PNP: variants seen among roughly 807,000 people sequenced by gnomAD.
PNP encodes the protein purine nucleoside phosphorylase, also known as HEL-S-156an.
In PNP, 18 loss-of-function variants were observed where a neutral mutation model predicts 26.8. The observed-to-expected ratio is 0.67, with a 90% CI of 0.46 to 1.00. The LOEUF is 1.00. PNP is among the 50% of genes least tolerant of loss of function. The pLI is 0.00. For missense variants in PNP, 320 were observed against 362.9 expected (o/e 0.88, Z 0.96); for synonymous variants, 116 against 124.8 (o/e 0.93, Z 0.47).
At position 20,476,873 on chromosome 14, in the gene PNP, C is replaced by A. The variant is rs965475737; in HGVS notation, c.*272C>A. The A allele has an allele frequency of 4.4e-6, 2 of 459,008 alleles. No individual in the cohort carries two copies. Among genetic ancestry groups the A allele is most frequent in the Admixed American group, 6.7e-5 (2 of 29,630 alleles). 28.4% of individuals were successfully genotyped at this position (459,008 alleles called of 1,614,324 possible). A position where few individuals can be genotyped will look rare whatever the true frequency, so the allele number is the denominator to read the frequency against. ...GTTCTTTCTTACACAAGAGCTGGAGCCCGTGCCCTACCACACATCTGTGGA... is the reference window on the plus strand; with the variant it reads ...GTTCTTTCTTACACAAGAGCTGGAGACCGTGCCCTACCACACATCTGTGGA... On this transcript the variant is annotated 3_prime_UTR_variant, in exon 6 of 6. Transcript: ENST00000361505.
Position 20,474,241 on chromosome 14 carries a change from A to G in PNP, c.182-231A>G, listed in dbSNP as rs199563326. ...CCTTCTTTGTGTGTTCATGCTGAACATGCTGAACGCACCCCATATCTCTAA... is the reference window on the plus strand; with the variant it reads ...CCTTCTTTGTGTGTTCATGCTGAACGTGCTGAACGCACCCCATATCTCTAA... On this transcript the variant is annotated intron_variant, in intron 2 of 5. Coordinates refer to ENST00000361505, the MANE Select transcript of PNP (RefSeq NM_000270.4). 24 of 503,084 alleles carry G rather than the reference A, an allele frequency of 4.8e-5. No homozygotes were observed. In the East Asian group the frequency reaches 8.6e-4, roughly 18 times the overall value. 31.2% of individuals were successfully genotyped at this position (503,084 alleles called of 1,614,324 possible). A position where few individuals can be genotyped will look rare whatever the true frequency, so the allele number is the denominator to read the frequency against.
chr14:20,469,482 G>C lies in PNP; in HGVS notation c.-43G>C, dbSNP rs1881936925. The stretch of plus-strand genomic sequence containing the variant: ...GATCCGATCGGATCGGAGCGGATCG[G>C]AGCACACCGGAGCAGGCTCATCGAG... On this transcript the variant is annotated 5_prime_UTR_variant, in exon 1 of 6. Transcript: ENST00000361505. 6.5e-7 allele frequency: 1 copy of C among 1,550,016 alleles called. No homozygotes were observed. The highest frequency in any genetic ancestry group is 8.7e-7 in the Non-Finnish European group (1 of 1,147,048).
chr14:20,471,197 A>ATTTTTTTT (rs397960222), intron 1 of PNP, among the ~76,000 whole-genome samples: 271 of 90,646 alleles, frequency 3.0e-3, no homozygotes, highest in African/African-American at 4.5e-3. Context: ...CGCCCGGCTA[A>ATTTTTTTT]TTTTTTTTTT....
chr14:20,470,108 G>C (rs541308030), intron 1 of PNP, among the ~76,000 whole-genome samples: 1 of 152,272 alleles, frequency 6.6e-6, no homozygotes, highest in Non-Finnish European at 1.5e-5. Context: ...TCACCGAACT[G>C]AGCAACAGTC....
intron 2 of PNP, chr14:20,472,718 C>A: frequency 1.8e-6 from 1 of 570,332 alleles, no homozygotes; most frequent in South Asian, 2.1e-5. Context: ...CAGAAGAGGG[C>A]CAGGTGACAG....
rs376654907 is a variant in PNP at position 20,472,299 on chromosome 14, C to A, written c.12-9C>A. 45 of 1,612,166 alleles carry A rather than the reference C, an allele frequency of 2.8e-5. 1 individual carries two copies. Among genetic ancestry groups the A allele is most frequent in the Non-Finnish European group, 3.2e-5 (38 of 1,178,462 alleles). On this transcript the variant is annotated splice_polypyrimidine_tract_variant and intron_variant, in intron 1 of 5. Coordinates refer to ENST00000361505, the MANE Select transcript of PNP (RefSeq NM_000270.4). ...AGCAGAATTCACCTTGATATTTTTTCTCCCCCAGATACACCTATGAAGATT... is the reference window on the plus strand; with the variant it reads ...AGCAGAATTCACCTTGATATTTTTTATCCCCCAGATACACCTATGAAGATT...
In PNP at chr14:20,469,429, G is replaced by A. The variant is rs17881206; in HGVS notation, c.-96G>A. 7,723 of 1,499,862 alleles carry A rather than the reference G, an allele frequency of 5.1e-3. 70 individuals carry two copies. The highest frequency in any genetic ancestry group is 0.019 in the South Asian group (1,617 of 82,988). The allele number at this position is 1,499,862 out of a possible 1,614,324, so 92.9% of individuals were successfully genotyped here. A position where few individuals can be genotyped will look rare whatever the true frequency, so the allele number is the denominator to read the frequency against. ...CCAACTGTGCGAACCAGACCCGGCA[G>A]CCTTGCTCAGTTCAGCATAGCGGAG... On this transcript the variant is annotated 5_prime_UTR_variant, in exon 1 of 6. Coordinates refer to ENST00000361505, the MANE Select transcript of PNP (RefSeq NM_000270.4).
chr14:20,473,185 C>G (rs1461175146), intron 2 of PNP: 1 of 152,272 alleles, frequency 6.6e-6, no homozygotes, highest in Non-Finnish European at 1.5e-5. Flanking sequence ...TTGAGAATTT[C>G]TCAGCTCTTC....
chr14:20,472,273 G>C, intron 1 of PNP, 35 bp from the exon 2 acceptor site: 1 of 1,590,090 alleles, frequency 6.3e-7, no homozygotes, highest in Non-Finnish European at 8.6e-7. Flanking sequence ...CTTGGAATGG[G>C]AGCAGAATTC....
chr14:20,472,042 G>A (rs888536162), intron 1 of PNP, among the ~76,000 whole-genome samples: 2 of 152,234 alleles, frequency 1.3e-5, no homozygotes, highest in Non-Finnish European at 2.9e-5. Context: ...CAACACTGGA[G>A]TTGGGCCTGT....
At position 20,477,025 on chromosome 14, in the gene PNP, TC is replaced by T. The variant is rs1478773545; in HGVS notation, c.*426del. The T allele has an allele frequency of 3.9e-6, 1 of 257,554 alleles. No individual in the cohort carries two copies. Among genetic ancestry groups the T allele is most frequent in the Non-Finnish European group, 7.7e-6 (1 of 129,516 alleles). 16.0% of individuals were successfully genotyped at this position (257,554 alleles called of 1,614,324 possible). On this transcript the variant is annotated 3_prime_UTR_variant, in exon 6 of 6. Transcript: ENST00000361505. The stretch of plus-strand genomic sequence containing the variant: ...TCACCAGAGACCAAACAAGGACTAA[TC>T]CAATACCTCTTGGATTTTATTTAAT...
At chr14:20,470,485 C>T (rs975961762) in intron 1 of PNP, 6 of 152,262 alleles carry the variant, frequency 3.9e-5, no homozygotes, top group Non-Finnish European at 7.3e-5. Context: ...TGTCTGGTTT[C>T]CCGGGCTCTG....
Position 20,471,034 on chromosome 14 carries a change from T to A in PNP, c.12-1274T>A, listed in dbSNP as rs1035969702. On this transcript the variant is annotated intron_variant, in intron 1 of 5. Transcript: ENST00000361505. ...ACCTGGTTTTATTTTATTTTATTTTTATTTATTTATTTTGGAGTCGGAGTC... is the reference window on the plus strand; with the variant it reads ...ACCTGGTTTTATTTTATTTTATTTTAATTTATTTATTTTGGAGTCGGAGTC... Among the ~76,000 whole-genome samples, 9 of 152,010 alleles carry A rather than the reference T, an allele frequency of 5.9e-5. No individual in the cohort carries two copies. In the South Asian group the frequency reaches 1.7e-3, roughly 28 times the overall value.
At chr14:20,469,793 T>C (rs1027334208) in intron 1 of PNP, 7 of 608,698 alleles carry the variant, frequency 1.2e-5, no homozygotes, top group African/African-American at 1.9e-5. Context: ...CGGTCTAAGC[T>C]ACTCCGTAAA....
chr14:20,469,978 G>T (rs1332781279), intron 1 of PNP, among the ~76,000 whole-genome samples: 1 of 152,182 alleles, frequency 6.6e-6, no homozygotes, highest in African/African-American at 2.4e-5. Context: ...CAAATTCGGA[G>T]TTCCTCCTTT....
In PNP at chr14:20,475,183, G is replaced by T; in HGVS notation, c.583G>T (p.Val195Leu). The T allele has an allele frequency of 6.2e-7, 1 of 1,614,192 alleles. No homozygotes were observed. The highest frequency in any genetic ancestry group is 8.5e-7 in the Non-Finnish European group (1 of 1,180,044). ...RELQEGTYVM[V>L]AGPSFETVAE... ...GCTACAGGAAGGCACCTATGTGATG[G>T]TGGCAGGCCCCAGCTTTGAGACTGT... Residue 195 changes from valine (V) to leucine (L), a missense_variant, in exon 5 of 6, where the codon GTG becomes TTG. Val to Leu is a conservative substitution (Grantham distance 32). Transcript: ENST00000361505.
At chr14:20,469,690 C>T (rs916575169) in intron 1 of PNP, 155 bp downstream of exon 1, 1 of 1,056,122 alleles carries the variant, frequency 9.5e-7, no homozygotes, top group Admixed American at 2.1e-5. Context: ...GGGAGCAAGG[C>T]GGCAGAGTCA....
intron 1 of PNP, 98 bp from the exon 2 acceptor site, chr14:20,472,210 C>A (rs1476083030): frequency 2.0e-6 from 2 of 979,020 alleles, no homozygotes; most frequent in Non-Finnish European, 3.3e-6. Context: ...GTCCCTGCTG[C>A]CTCAGTATAC....
Position 20,476,961 on chromosome 14 carries a change from A to G in PNP, c.*360A>G, listed in dbSNP as rs1882129885. 1 of 361,474 alleles carries G rather than the reference A, an allele frequency of 2.8e-6. No individual in the cohort carries two copies. 22.4% of individuals were successfully genotyped at this position (361,474 alleles called of 1,614,324 possible). On this transcript the variant is annotated 3_prime_UTR_variant, in exon 6 of 6. Coordinates refer to ENST00000361505, the MANE Select transcript of PNP (RefSeq NM_000270.4). ...TAGCAGCTGCTACTAGCTCTTTGAG[A>G]TAATACATTCCGAGGGGCTCAGTTC...
Sources: gnomAD v4.1 joint callset for allele counts (sites outside exome capture counted in the v4.1 genomes callset) on GRCh38, gnomAD v4.1.1 for gene constraint, MANE v1.5 for transcripts, NCBI Gene and HGNC (gene_info 2026-07-23, HGNC 2026-07-21) for gene names.